DIAPH3: variants seen among roughly 807,000 people sequenced by gnomAD.
DIAPH3 encodes diaphanous related formin 3.
A neutral mutation model predicts 144.3 loss-of-function variants in DIAPH3; 117 were observed. That is an observed-to-expected ratio of 0.81 (90% confidence interval 0.70 to 0.95). The LOEUF is 0.95. Among genes scored for constraint, DIAPH3 ranks in the 40% least tolerant of loss-of-function variants. The probability of loss-of-function intolerance (pLI) is 0.00; values close to 1 mark genes in which losing one functional copy is unlikely to be tolerated. For missense variants in DIAPH3, 1,421 were observed against 1,412.7 expected (o/e 1.01, Z -0.09); for synonymous variants, 519 against 488.9 (o/e 1.06, Z -0.81).
At chr13:59,766,787 T>A (rs1444295588) in intron 27 of DIAPH3, among the ~76,000 whole-genome samples, 11 of 131,628 alleles carry the variant, frequency 8.4e-5, no homozygotes, top group South Asian at 2.3e-4. Flanking sequence ...ATCTAGGCTT[T>A]CAAAAAAAAA....
chr13:59,699,388 G>A (rs1039496894), intron 27 of DIAPH3, among the ~76,000 whole-genome samples: 3 of 152,200 alleles, frequency 2.0e-5, no homozygotes, highest in Non-Finnish European at 4.4e-5. Flanking sequence ...GAAGGGGAGT[G>A]AGCCAGGGCT....
intron 1 of DIAPH3, among the ~76,000 whole-genome samples, chr13:60,157,036 C>G (rs1250139544): frequency 1.3e-5 from 2 of 149,300 alleles, no homozygotes; most frequent in Non-Finnish European, 3.0e-5. Flanking sequence ...CCTTTGCCTC[C>G]CAGATTCAAG....
At position 59,974,400 on chromosome 13, in the gene DIAPH3, C is replaced by T; in HGVS notation, c.1602G>A (p.Glu534=). The T allele has an allele frequency of 6.2e-7, 1 of 1,611,900 alleles. No homozygotes were observed. Among genetic ancestry groups the T allele is most frequent in the Non-Finnish European group, 8.5e-7 (1 of 1,179,440 alleles). Residue 534 remains glutamate (E), a synonymous_variant, in exon 15 of 28, where the codon GAG becomes GAA. Transcript: ENST00000400324. The stretch of plus-strand genomic sequence containing the variant: ...CTGCTTGAAGCTCATTAATCTTTGC[C>T]TCTTTTTTCTGCAATTCAGCCTGAG... ...QETQAELQKK[E]AKINELQAEL...
At chr13:59,759,776 T>A (rs1566270893) in intron 27 of DIAPH3, among the ~76,000 whole-genome samples, 7 of 152,052 alleles carry the variant, frequency 4.6e-5, no homozygotes. Flanking sequence ...ACACCCCATC[T>A]CTACTAAAAA....
intron 18 of DIAPH3, among the ~76,000 whole-genome samples, chr13:59,921,748 C>T (rs1019355901): frequency 6.6e-6 from 1 of 151,972 alleles, no homozygotes; most frequent in Admixed American, 6.6e-5. Context: ...CTGGCATTCC[C>T]CTGAAACCAA....
chr13:59,729,892 G>A (rs1002076136), intron 27 of DIAPH3, among the ~76,000 whole-genome samples: 2 of 139,660 alleles, frequency 1.4e-5, no homozygotes, highest in Non-Finnish European at 3.0e-5. Flanking sequence ...GCTCACTGTA[G>A]CCTTGACTTC....
rs560899159 is a variant in DIAPH3, at chr13:60,100,777, T to TA, written c.391-7046dup. Among the ~76,000 whole-genome samples the TA allele has an allele frequency of 1.5e-3, 223 of 145,684 alleles. 1 individual carries two copies. The highest frequency in any genetic ancestry group is 0.011 in the Middle Eastern group (3 of 278). ...AAAAAGAAAAACAGAACATCATTAT[T>TA]AAAAAAAAAAAGAAGTTTTTTTATA... On this transcript the variant is annotated intron_variant, in intron 3 of 27. Transcript: ENST00000400324.
intron 4 of DIAPH3, among the ~76,000 whole-genome samples, chr13:60,053,226 G>A (rs977602989): frequency 3.9e-5 from 6 of 151,986 alleles, no homozygotes; most frequent in Non-Finnish European, 5.9e-5. Context: ...AGGGAAGTAC[G>A]GGGAGGAAGG....
intron 20 of DIAPH3, among the ~76,000 whole-genome samples, chr13:59,882,290 A>ATGT (rs1480845685): frequency 1.3e-5 from 2 of 151,996 alleles, no homozygotes; most frequent in Non-Finnish European, 2.9e-5. Flanking sequence ...GTGTTTCACC[A>ATGT]TGTTGTTCAG....
At chr13:60,112,420 T>C (rs907005321) in intron 2 of DIAPH3, among the ~76,000 whole-genome samples, 2 of 152,232 alleles carry the variant, frequency 1.3e-5, no homozygotes, top group Non-Finnish European at 1.5e-5. Flanking sequence ...AGATTCCTTC[T>C]AATCTTAAAA....
At chr13:59,924,630 C>T (rs375279534) in intron 18 of DIAPH3, 145 bp downstream of exon 18, 50 of 1,326,236 alleles carry the variant, frequency 3.8e-5, no homozygotes, top group East Asian at 3.7e-4. Flanking sequence ...CATAATTTAC[C>T]TAAAGGAGAG....
chr13:59,742,390 CTG>C (rs1450891880), intron 27 of DIAPH3, among the ~76,000 whole-genome samples: 63 of 152,012 alleles, frequency 4.1e-4, no homozygotes, highest in Non-Finnish European at 5.9e-5. Flanking sequence ...AGCAGATAAA[CTG>C]TGGAGAATTT....
intron 25 of DIAPH3, among the ~76,000 whole-genome samples, chr13:59,794,504 T>C (rs1224312195): frequency 6.6e-6 from 1 of 151,222 alleles, no homozygotes; most frequent in Non-Finnish European, 1.5e-5. Flanking sequence ...CAATTTCAAA[T>C]CTTCTTTAGT....
At chr13:59,755,114 T>C (rs991100571) in intron 27 of DIAPH3, among the ~76,000 whole-genome samples, 4 of 152,332 alleles carry the variant, frequency 2.6e-5, no homozygotes, top group Non-Finnish European at 2.9e-5. Context: ...GCTTATGTTA[T>C]ATACATATTC....
At chr13:59,762,281 C>T (rs2139198207) in intron 27 of DIAPH3, among the ~76,000 whole-genome samples, 1 of 151,950 alleles carries the variant, frequency 6.6e-6, no homozygotes. Flanking sequence ...AGGATGGTCT[C>T]GATCTCCTGA....
chr13:60,073,155 A>G (rs551086123), intron 4 of DIAPH3, among the ~76,000 whole-genome samples: 50 of 152,160 alleles, frequency 3.3e-4, no homozygotes, highest in African/African-American at 1.2e-3. Context: ...CTATAAATAC[A>G]AAAATTAGCC....
rs533641141 is a variant in DIAPH3, at chr13:59,980,860, C to A, written c.1481-1G>T. ...AGTTTTGCTTGATCTATGCAAATGT[C>A]TAAAATTGCAATGACAGGAAATTTT... On this transcript the variant is annotated splice_acceptor_variant, in intron 13 of 27. Transcript: ENST00000400324. LOFTEE classifies it high-confidence loss of function. The A allele has an allele frequency of 1.2e-5, 19 of 1,607,510 alleles. No homozygotes were observed. The South Asian group carries it at 1.9e-4, about 16-fold the overall frequency.
chr13:59,880,063 T>A (rs2044907096), intron 20 of DIAPH3, among the ~76,000 whole-genome samples: 1 of 152,134 alleles, frequency 6.6e-6, no homozygotes, highest in Non-Finnish European at 1.5e-5. Context: ...TTAGGAAACA[T>A]GGGAGTAGTA....
chr13:59,816,072 A>T (rs951546034), intron 24 of DIAPH3, among the ~76,000 whole-genome samples: 4 of 151,794 alleles, frequency 2.6e-5, no homozygotes, highest in Admixed American at 6.6e-5. Flanking sequence ...AAATTTCACA[A>T]TTTTTTTTCC....
Sources: gnomAD v4.1 joint callset for allele counts (sites outside exome capture counted in the v4.1 genomes callset) on GRCh38, gnomAD v4.1.1 for gene constraint, MANE v1.5 for transcripts, NCBI Gene and HGNC (gene_info 2026-07-23, HGNC 2026-07-21) for gene names.